IQUB: variants seen among roughly 807,000 people sequenced by gnomAD.
IQUB encodes the protein IQ motif and ubiquitin domain containing.
In IQUB, 86 loss-of-function variants were observed where a neutral mutation model predicts 86.4. The ratio of observed to expected loss-of-function variants is 1.00; its 90% CI spans 0.84 to 1.19. The LOEUF (loss-of-function observed/expected upper bound fraction) is 1.19, where lower values mean the gene tolerates loss of function less well. Ranked by LOEUF, IQUB falls within the 50% of genes most tolerant of loss-of-function variation. The pLI is 0.00. For missense variants in IQUB, 946 were observed against 916.9 expected (o/e 1.03, Z -0.41); for synonymous variants, 289 against 304.5 (o/e 0.95, Z 0.53).
intron 7 of IQUB, among the ~76,000 whole-genome samples, chr7:123,483,960 A>G (rs2117097222): frequency 6.6e-6 from 1 of 152,200 alleles, no homozygotes; most frequent in African/African-American, 2.4e-5. Flanking sequence ...GTCTCTATGC[A>G]TTAGAAGATA....
At chr7:123,523,250 T>C (rs1425322724) in intron 1 of IQUB, among the ~76,000 whole-genome samples, 1 of 144,904 alleles carries the variant, frequency 6.9e-6, no homozygotes, top group African/African-American at 2.5e-5. Context: ...ATGGTATTTC[T>C]AGTTCTAGAT....
At chr7:123,487,316 C>T (rs1308007390) in intron 7 of IQUB, among the ~76,000 whole-genome samples, 1 of 152,146 alleles carries the variant, frequency 6.6e-6, no homozygotes, top group African/African-American at 2.4e-5. Context: ...AGTGTGAGAA[C>T]TGGTTAAAAC....
intron 7 of IQUB, among the ~76,000 whole-genome samples, chr7:123,488,202 G>A (rs993734964): frequency 1.3e-5 from 2 of 151,730 alleles, no homozygotes; most frequent in African/African-American, 4.8e-5. Flanking sequence ...TTATCCGGGC[G>A]CGGTGGCCGG....
chr7:123,527,141 C>G (rs1797261857), intron 1 of IQUB, among the ~76,000 whole-genome samples: 2 of 152,252 alleles, frequency 1.3e-5, no homozygotes, highest in East Asian at 3.9e-4. Flanking sequence ...TCACGTAGTT[C>G]TCGAGCCTTG....
chr7:123,476,307 T>G (rs748267746), intron 8 of IQUB, among the ~76,000 whole-genome samples: 30 of 152,240 alleles, frequency 2.0e-4, no homozygotes, highest in Admixed American at 7.9e-4. Context: ...CATCTGAGCT[T>G]GTTTCAGGGT....
chr7:123,472,400 T>C (rs1794565919), intron 8 of IQUB, among the ~76,000 whole-genome samples: 1 of 152,210 alleles, frequency 6.6e-6, no homozygotes. Flanking sequence ...TATTAGGCAC[T>C]GAGTAGATAA....
At chr7:123,477,257 C>T (rs556913672) in intron 8 of IQUB, among the ~76,000 whole-genome samples, 210 of 152,210 alleles carry the variant, frequency 1.4e-3, no homozygotes, top group African/African-American at 4.9e-3. Context: ...ACCAATGGAA[C>T]AAAACAGAGG....
intron 7 of IQUB, among the ~76,000 whole-genome samples, chr7:123,493,731 A>ATGTGTGTGTGTGTG (rs71161484): frequency 1.1e-3 from 119 of 112,640 alleles, no homozygotes; most frequent in South Asian, 3.0e-3. Flanking sequence ...ATGTGTGTGT[A>ATGTGTGTGTGTGTG]TGTGTGTGTG....
intron 1 of IQUB, among the ~76,000 whole-genome samples, chr7:123,520,376 A>G (rs1360256104): frequency 1.3e-5 from 2 of 152,198 alleles, no homozygotes; most frequent in Non-Finnish European, 2.9e-5. Context: ...GATCAGATAA[A>G]GAGCTAGCAA....
intron 11 of IQUB, 90 bp downstream of exon 11, chr7:123,461,267 A>G: frequency 7.8e-7 from 1 of 1,284,466 alleles, no homozygotes; most frequent in East Asian, 2.3e-5. Flanking sequence ...TCATTAAACA[A>G]TCACACACAC....
intron 3 of IQUB, among the ~76,000 whole-genome samples, chr7:123,506,199 C>G (rs146189862): frequency 3.2e-4 from 48 of 152,302 alleles, no homozygotes; most frequent in African/African-American, 1.1e-3. Flanking sequence ...ATATCACTAT[C>G]AGCATTTTGG....
intron 7 of IQUB, among the ~76,000 whole-genome samples, chr7:123,481,824 G>GA (rs1439100803): frequency 4.0e-5 from 6 of 151,854 alleles, no homozygotes; most frequent in African/African-American, 1.2e-4. Context: ...TGCAAAAAAA[G>GA]AAAAAATATT....
At chr7:123,485,309 T>C (rs1795173175) in intron 7 of IQUB, among the ~76,000 whole-genome samples, 1 of 152,098 alleles carries the variant, frequency 6.6e-6, no homozygotes, top group African/African-American at 2.4e-5. Flanking sequence ...TGTGTCCTAA[T>C]CTCCTCTTCT....
intron 8 of IQUB, among the ~76,000 whole-genome samples, chr7:123,476,753 A>G (rs557822472): frequency 3.8e-4 from 58 of 151,670 alleles, no homozygotes; most frequent in African/African-American, 1.3e-3. Flanking sequence ...GGGAGATAGG[A>G]AGGCCTATTT....
intron 7 of IQUB, among the ~76,000 whole-genome samples, chr7:123,484,919 A>G (rs1395669589): frequency 1.3e-5 from 2 of 152,084 alleles, no homozygotes; most frequent in Non-Finnish European, 2.9e-5. Flanking sequence ...TTTCCCAACT[A>G]GTAACAAAGA....
At chr7:123,513,621 A>C (rs572359498) in intron 1 of IQUB, among the ~76,000 whole-genome samples, 12 of 152,278 alleles carry the variant, frequency 7.9e-5, no homozygotes, top group Middle Eastern at 3.4e-3. Flanking sequence ...GGAAAAATAG[A>C]AAGATAGAGG....
At chr7:123,516,491 A>C (rs1005690898) in intron 1 of IQUB, among the ~76,000 whole-genome samples, 3 of 152,186 alleles carry the variant, frequency 2.0e-5, no homozygotes, top group African/African-American at 7.2e-5. Context: ...AATCAAAAAG[A>C]AGAAAGAGGA....
intron 8 of IQUB, among the ~76,000 whole-genome samples, chr7:123,479,008 C>A (rs1284418347): frequency 6.6e-6 from 1 of 151,876 alleles, no homozygotes; most frequent in Non-Finnish European, 1.5e-5. Context: ...AAACTGAGAT[C>A]AAATAAAGGA....
chr7:123,511,311 T>C (rs1462338398), intron 2 of IQUB, among the ~76,000 whole-genome samples: 1 of 152,186 alleles, frequency 6.6e-6, no homozygotes, highest in Non-Finnish European at 1.5e-5. Context: ...ACCATGCAAC[T>C]AGAATGGTTC....
Sources: gnomAD v4.1 joint callset for allele counts (sites outside exome capture counted in the v4.1 genomes callset) on GRCh38, gnomAD v4.1.1 for gene constraint, MANE v1.5 for transcripts, NCBI Gene and HGNC (gene_info 2026-07-23, HGNC 2026-07-21) for gene names.